FAM204A: variants seen among roughly 807,000 people sequenced by gnomAD.
FAM204A encodes protein FAM204A.
A neutral mutation model predicts 35.4 loss-of-function variants in FAM204A; 16 were observed. The ratio of observed to expected loss-of-function variants is 0.45; its 90% confidence interval spans 0.31 to 0.69. The LOEUF is 0.69. Ranked by LOEUF, FAM204A falls within the 30% of genes least tolerant of loss-of-function variation. The probability of loss-of-function intolerance (pLI) is 0.07; values close to 1 mark genes in which losing one functional copy is unlikely to be tolerated. For synonymous variants in FAM204A, 76 were observed against 86.9 expected (o/e 0.88, Z 0.70); for missense variants, 240 against 265.7 (o/e 0.90, Z 0.67).
chr10:118,339,557 AC>A (rs1846441022), intron 2 of FAM204A, among the ~76,000 whole-genome samples: 2 of 152,218 alleles, frequency 1.3e-5, no homozygotes, highest in African/African-American at 4.8e-5. Context: ...TATCAGAGAA[AC>A]AGAAACTTAA....
In FAM204A at chr10:118,305,992, G is replaced by C. The variant is rs1260164542; in HGVS notation, c.*4865C>G. Reference sequence around the variant, plus strand: ...GACACATTCAGCCTGAAGATGAAGTGATATATTGACTTCTTGATCAAATGC... The same window carrying C: ...GACACATTCAGCCTGAAGATGAAGTCATATATTGACTTCTTGATCAAATGC... On this transcript the variant is annotated 3_prime_UTR_variant, in exon 9 of 9. Transcript: ENST00000369183. 2 of 152,214 alleles carry C rather than the reference G, an allele frequency of 1.3e-5. No homozygotes were observed. The highest frequency in any genetic ancestry group is 4.8e-5 in the African/African-American group (2 of 41,448). 9.4% of individuals were successfully genotyped at this position (152,214 alleles called of 1,614,324 possible). A position where few individuals can be genotyped will look rare whatever the true frequency, so the allele number is the denominator to read the frequency against.
Position 118,305,862 on chromosome 10 carries a change from T to G in FAM204A, c.*4995A>C, listed in dbSNP as rs1025823139. ...ATTGTTTCACTATTCCTTGTGACATTCATAATTACTTCTAGTATCACCCAT... is the reference window on the plus strand; with the variant it reads ...ATTGTTTCACTATTCCTTGTGACATGCATAATTACTTCTAGTATCACCCAT... On this transcript the variant is annotated 3_prime_UTR_variant, in exon 9 of 9. Coordinates refer to ENST00000369183, the MANE Select transcript of FAM204A (RefSeq NM_022063.3). The G allele has an allele frequency of 6.6e-6, 1 of 152,228 alleles. No homozygotes were observed. Among genetic ancestry groups the G allele is most frequent in the African/African-American group, 2.4e-5 (1 of 41,458 alleles). The allele number at this position is 152,228 out of a possible 1,614,324, so 9.4% of individuals were successfully genotyped here.
Position 118,300,033 on chromosome 10 carries a change from T to G in FAM204A, c.*10824A>C, listed in dbSNP as rs778996457. Reference sequence around the variant, plus strand: ...TAGCAACTGTATTGAGGACCGTCCATGACAGCTTGCTGATTTGGGGGAGAT... The same window carrying G: ...TAGCAACTGTATTGAGGACCGTCCAGGACAGCTTGCTGATTTGGGGGAGAT... On this transcript the variant is annotated 3_prime_UTR_variant, in exon 9 of 9. Transcript: ENST00000369183. 1 of 152,228 alleles carries G rather than the reference T, an allele frequency of 6.6e-6. No individual in the cohort carries two copies. The allele number at this position is 152,228 out of a possible 1,614,324, so 9.4% of individuals were successfully genotyped here.
At chr10:118,332,893 T>C (rs1486055190) in intron 6 of FAM204A, among the ~76,000 whole-genome samples, 1 of 152,208 alleles carries the variant, frequency 6.6e-6, no homozygotes, top group Non-Finnish European at 1.5e-5. Flanking sequence ...GAGACATTTA[T>C]AGTGAAATTA....
chr10:118,299,605 T>G lies in FAM204A; in HGVS notation c.*11252A>C, dbSNP rs927471732. On this transcript the variant is annotated 3_prime_UTR_variant, in exon 9 of 9. Coordinates refer to ENST00000369183, the MANE Select transcript of FAM204A (RefSeq NM_022063.3). ...GCTGTTGCTCAGGCTAGTCTTGAAC[T>G]CCTAGGCTCAAGCAGCTCTCCCTCC... 1.3e-5 allele frequency: 2 copies of G among 152,116 alleles called. No individual in the cohort carries two copies. Among genetic ancestry groups the G allele is most frequent in the African/African-American group, 4.8e-5 (2 of 41,354 alleles). 9.4% of individuals were successfully genotyped at this position (152,116 alleles called of 1,614,324 possible).
chr10:118,342,034 C>T (rs1846493044), intron 1 of FAM204A, 107 bp from the exon 2 acceptor site: 1 of 152,344 alleles, frequency 6.6e-6, no homozygotes, highest in African/African-American at 2.4e-5. Flanking sequence ...ACCCCCTCCA[C>T]ATAACAGGCT....
rs1845820636 is a variant in FAM204A at position 118,302,673 on chromosome 10, C to T, written c.*8184G>A. ...CCAATTGAGTTCTTTGACACGGAAC[C>T]TTTCTTTTCCTTTTTTGGAAAATGG... On this transcript the variant is annotated 3_prime_UTR_variant, in exon 9 of 9. Transcript: ENST00000369183. The T allele has an allele frequency of 6.6e-6, 1 of 152,182 alleles. No homozygotes were observed. The highest frequency in any genetic ancestry group is 1.5e-5 in the Non-Finnish European group (1 of 68,032). The allele number at this position is 152,182 out of a possible 1,614,324, so 9.4% of individuals were successfully genotyped here.
chr10:118,315,331 T>A (rs1846014214), intron 7 of FAM204A, among the ~76,000 whole-genome samples: 2 of 152,202 alleles, frequency 1.3e-5, no homozygotes, highest in South Asian at 4.1e-4. Flanking sequence ...ATTTGAAGTA[T>A]CTGATTCAAA....
rs1845828520 is a variant in FAM204A at position 118,303,264 on chromosome 10, T to G, written c.*7593A>C. On this transcript the variant is annotated 3_prime_UTR_variant, in exon 9 of 9. Coordinates refer to ENST00000369183, the MANE Select transcript of FAM204A (RefSeq NM_022063.3). ...TCAGATTTTCAATCTGCTAGACATTTATACATATGTAGAACCAAGATGTCC... is the reference window on the plus strand; with the variant it reads ...TCAGATTTTCAATCTGCTAGACATTGATACATATGTAGAACCAAGATGTCC... The G allele has an allele frequency of 6.6e-6, 1 of 152,222 alleles. No individual in the cohort carries two copies. The highest frequency in any genetic ancestry group is 6.5e-5 in the Admixed American group (1 of 15,284). The allele number at this position is 152,222 out of a possible 1,614,324, so 9.4% of individuals were successfully genotyped here. A position where few individuals can be genotyped will look rare whatever the true frequency, so the allele number is the denominator to read the frequency against.
chr10:118,325,955 G>C (rs1846191748), intron 7 of FAM204A, among the ~76,000 whole-genome samples, 199 bp downstream of exon 7: 2 of 151,972 alleles, frequency 1.3e-5, no homozygotes, highest in Admixed American at 1.3e-4. Flanking sequence ...TTTTAGACCA[G>C]AATGATTTAA....
intron 7 of FAM204A, among the ~76,000 whole-genome samples, chr10:118,319,985 T>A (rs1846086603): frequency 6.6e-6 from 1 of 151,918 alleles, no homozygotes; most frequent in Non-Finnish European, 1.5e-5. Context: ...TCTTTCCCCA[T>A]TCATTTCTGC....
At chr10:118,322,024 A>C (rs1846126488) in intron 7 of FAM204A, among the ~76,000 whole-genome samples, 1 of 152,118 alleles carries the variant, frequency 6.6e-6, no homozygotes, top group South Asian at 2.1e-4. Flanking sequence ...AGATTCTATA[A>C]TCCAACAGCT....
intron 1 of FAM204A, 53 bp downstream of exon 1, chr10:118,342,217 T>A (rs1349224940): frequency 1.3e-5 from 2 of 152,294 alleles, no homozygotes; most frequent in East Asian, 3.9e-4. Context: ...CCCAGACTCA[T>A]CATGCCGGAG....
rs1198404300 is a variant in FAM204A, at chr10:118,302,680, T to C, written c.*8177A>G. The stretch of plus-strand genomic sequence containing the variant: ...AGTTCTTTGACACGGAACCTTTCTT[T>C]TCCTTTTTTGGAAAATGGAAGTAAT... On this transcript the variant is annotated 3_prime_UTR_variant, in exon 9 of 9. Transcript: ENST00000369183. 2 of 152,240 alleles carry C rather than the reference T, an allele frequency of 1.3e-5. No homozygotes were observed. Among genetic ancestry groups the C allele is most frequent in the Admixed American group, 1.3e-4 (2 of 15,288 alleles). The allele number at this position is 152,240 out of a possible 1,614,324, so 9.4% of individuals were successfully genotyped here.
In FAM204A at chr10:118,304,079, G is replaced by C. The variant is rs974341847; in HGVS notation, c.*6778C>G. On this transcript the variant is annotated 3_prime_UTR_variant, in exon 9 of 9. Coordinates refer to ENST00000369183, the MANE Select transcript of FAM204A (RefSeq NM_022063.3). ...TGGTCTGGATGTCTGATTTGGCCAA[G>C]ATCACCGGTGCCATCTGATGCTAAC... The C allele has an allele frequency of 6.6e-5, 10 of 152,196 alleles. No homozygotes were observed. The highest frequency in any genetic ancestry group is 8.8e-5 in the Non-Finnish European group (6 of 68,048). The allele number at this position is 152,196 out of a possible 1,614,324, so 9.4% of individuals were successfully genotyped here. A position where few individuals can be genotyped will look rare whatever the true frequency, so the allele number is the denominator to read the frequency against.
At chr10:118,329,938 G>T (rs1011802316) in intron 6 of FAM204A, among the ~76,000 whole-genome samples, 1 of 151,944 alleles carries the variant, frequency 6.6e-6, no homozygotes, top group African/African-American at 2.4e-5. Flanking sequence ...ATGCCCCTAT[G>T]GTTAAAAAAA....
chr10:118,301,098 G>A lies in FAM204A; in HGVS notation c.*9759C>T, dbSNP rs147588899. ...TTTCCTGCTGCTGTATGTCTTTTGCGTCATCTTCGCATATTTAACCTCCTT... is the reference window on the plus strand; with the variant it reads ...TTTCCTGCTGCTGTATGTCTTTTGCATCATCTTCGCATATTTAACCTCCTT... On this transcript the variant is annotated 3_prime_UTR_variant, in exon 9 of 9. Transcript: ENST00000369183. 4 of 152,246 alleles carry A rather than the reference G, an allele frequency of 2.6e-5. No homozygotes were observed. The highest frequency in any genetic ancestry group is 6.5e-5 in the Admixed American group (1 of 15,284). The allele number at this position is 152,246 out of a possible 1,614,324, so 9.4% of individuals were successfully genotyped here.
intron 7 of FAM204A, chr10:118,311,574 A>G (rs1845952826): frequency 5.9e-6 from 2 of 337,922 alleles, no homozygotes; most frequent in East Asian, 5.6e-5. Context: ...TCGAGGGTCC[A>G]CAAAGGTAGT....
At chr10:118,325,938 T>C (rs991102515) in intron 7 of FAM204A, among the ~76,000 whole-genome samples, 1 of 152,172 alleles carries the variant, frequency 6.6e-6, no homozygotes, top group Non-Finnish European at 1.5e-5. Context: ...GGATTATTTC[T>C]AGCAAGTTTT....
Sources: allele counts gnomAD v4.1 joint callset (sites outside exome capture counted in the v4.1 genomes callset), GRCh38; gene constraint gnomAD v4.1.1; transcripts MANE v1.5; gene names NCBI Gene and HGNC (gene_info 2026-07-23, HGNC 2026-07-21).